Variants in DTD1 observed in about 807,000 individuals in gnomAD.
The protein encoded by DTD1 is D-tyrosyl-tRNA deacylase 1 homolog.
A neutral mutation model predicts 25.6 loss-of-function variants in DTD1; 13 were observed. The observed-to-expected ratio is 0.51, with a 90% confidence interval of 0.33 to 0.81. The LOEUF is 0.81. DTD1 is among the 30% of genes least tolerant of loss of function. The probability of loss-of-function intolerance (pLI) is 0.02; values close to 1 mark genes in which losing one functional copy is unlikely to be tolerated. For missense variants in DTD1, 193 were observed against 266.4 expected (o/e 0.72, Z 1.92); for synonymous variants, 110 against 103.6 (o/e 1.06, Z -0.37).
intron 4 of DTD1, among the ~76,000 whole-genome samples, chr20:18,634,931 C>T (rs1339918549): frequency 6.6e-6 from 1 of 152,154 alleles, no homozygotes; most frequent in Non-Finnish European, 1.5e-5. Flanking sequence ...GGGGACAAAT[C>T]AAATGAGAAG....
intron 4 of DTD1, chr20:18,632,602 CAGTGTTTT>C: frequency 1.0e-6 from 1 of 984,420 alleles, no homozygotes; most frequent in Non-Finnish European, 1.2e-6. Flanking sequence ...TTTTAATTCT[CAGTGTTTT>C]ATTTTTCCAT....
At chr20:18,672,664 T>C (rs752641243) in intron 4 of DTD1, among the ~76,000 whole-genome samples, 13 of 152,208 alleles carry the variant, frequency 8.5e-5, no homozygotes, top group Non-Finnish European at 1.6e-4. Context: ...TTACATTCTT[T>C]TATACTATTC....
rs551696990 is a variant in DTD1 at position 18,611,468 on chromosome 20, G to C, written c.370+15227G>C. Among the ~76,000 whole-genome samples, 5 of 152,258 alleles carry C rather than the reference G, an allele frequency of 3.3e-5. No individual in the cohort carries two copies. In the South Asian group the frequency reaches 1.0e-3, roughly 32 times the overall value. On this transcript the variant is annotated intron_variant, in intron 3 of 5. Coordinates refer to ENST00000377452, the MANE Select transcript of DTD1 (RefSeq NM_080820.6). ...AAGACCACTTCAGCAACTTTAAAAC[G>C]TAAAGTTTAATTAGATTTAACATTT...
intron 4 of DTD1, among the ~76,000 whole-genome samples, chr20:18,637,812 C>T (rs773233908): frequency 2.6e-5 from 4 of 152,192 alleles, no homozygotes; most frequent in Non-Finnish European, 5.9e-5. Flanking sequence ...AAGCTTTTCA[C>T]AATGAATTGT....
At chr20:18,729,627 A>G (rs899559126) in intron 4 of DTD1, among the ~76,000 whole-genome samples, 3 of 152,274 alleles carry the variant, frequency 2.0e-5, no homozygotes, top group Non-Finnish European at 4.4e-5. Context: ...AGCCATGACT[A>G]AAAATGAAGT....
chr20:18,646,553 C>G (rs2060851196), intron 4 of DTD1, among the ~76,000 whole-genome samples: 1 of 152,200 alleles, frequency 6.6e-6, no homozygotes, highest in Non-Finnish European at 1.5e-5. Context: ...CCTGGGAATT[C>G]TGGCAGGACT....
chr20:18,608,568 A>G (rs1466984199), intron 3 of DTD1, among the ~76,000 whole-genome samples: 10 of 152,194 alleles, frequency 6.6e-5, no homozygotes, highest in Admixed American at 6.5e-4. Context: ...CTTCTTTTCT[A>G]ATAAACACAT....
chr20:18,675,822 A>ATATG (rs1555799742), intron 4 of DTD1, among the ~76,000 whole-genome samples: 772 of 2,086 alleles, frequency 0.37, 184 homozygotes, highest in African/African-American at 0.44. Flanking sequence ...ACACACATAT[A>ATATG]TGTAAATATA....
chr20:18,617,855 A>T (rs997617844), intron 3 of DTD1, among the ~76,000 whole-genome samples: 1 of 152,138 alleles, frequency 6.6e-6, no homozygotes, highest in Non-Finnish European at 1.5e-5. Context: ...GATTCTTTTC[A>T]TACCAGTTCA....
intron 4 of DTD1, among the ~76,000 whole-genome samples, chr20:18,707,370 G>A (rs772977148): frequency 1.3e-5 from 2 of 152,130 alleles, no homozygotes; most frequent in Non-Finnish European, 2.9e-5. Context: ...AACCCTGGAC[G>A]GACTGCAGTA....
At chr20:18,698,721 T>G (rs1362975913) in intron 4 of DTD1, 1 of 152,270 alleles carries the variant, frequency 6.6e-6, no homozygotes, top group East Asian at 1.9e-4. Flanking sequence ...CTTACCCTCT[T>G]ATGAATAGTT....
intron 5 of DTD1, among the ~76,000 whole-genome samples, chr20:18,757,193 A>G (rs2061342619): frequency 6.6e-6 from 1 of 152,192 alleles, no homozygotes; most frequent in African/African-American, 2.4e-5. Context: ...GGTTTTCTAG[A>G]TATACAATTC....
intron 4 of DTD1, among the ~76,000 whole-genome samples, chr20:18,721,138 A>G (rs1246693264): frequency 1.3e-5 from 2 of 152,240 alleles, no homozygotes; most frequent in Admixed American, 1.3e-4. Flanking sequence ...AGTGGCGCGA[A>G]CAGACTGTCC....
chr20:18,704,483 G>C (rs147950886), intron 4 of DTD1, among the ~76,000 whole-genome samples: 1 of 152,240 alleles, frequency 6.6e-6, no homozygotes, highest in Non-Finnish European at 1.5e-5. Flanking sequence ...GCCTAACCAA[G>C]GGCAAATATG....
At chr20:18,687,771 T>TCAA (rs2061022839) in intron 4 of DTD1, among the ~76,000 whole-genome samples, 1 of 152,176 alleles carries the variant, frequency 6.6e-6, no homozygotes, top group Admixed American at 6.5e-5. Flanking sequence ...CTTGAACTTC[T>TCAA]GAGCTCAAAT....
intron 3 of DTD1, chr20:18,611,310 T>TTACA (rs2060685905): frequency 6.6e-6 from 1 of 152,226 alleles, no homozygotes; most frequent in Non-Finnish European, 1.5e-5. Context: ...AGAGCATGCG[T>TTACA]TACACACTTG....
chr20:18,665,689 G>A (rs567592316), intron 4 of DTD1, among the ~76,000 whole-genome samples: 6 of 152,120 alleles, frequency 3.9e-5, no homozygotes, highest in Non-Finnish European at 8.8e-5. Context: ...GTTTGCAAGG[G>A]TTACTTAGTC....
intron 3 of DTD1, among the ~76,000 whole-genome samples, chr20:18,616,530 A>G (rs1347709332): frequency 6.6e-6 from 1 of 152,108 alleles, no homozygotes; most frequent in African/African-American, 2.4e-5. Flanking sequence ...GCTCACACCT[A>G]TAATCCCAGC....
At chr20:18,624,855 A>G (rs927271315) in intron 3 of DTD1, among the ~76,000 whole-genome samples, 2 of 152,186 alleles carry the variant, frequency 1.3e-5, no homozygotes, top group East Asian at 3.8e-4. Context: ...ATAGTTGGGA[A>G]TTTAACTTCC....
Sources: gnomAD v4.1 joint callset for allele counts (sites outside exome capture counted in the v4.1 genomes callset) on GRCh38, gnomAD v4.1.1 for gene constraint, MANE v1.5 for transcripts, NCBI Gene and HGNC (gene_info 2026-07-23, HGNC 2026-07-21) for gene names.